ARB2A: variants seen among roughly 807,000 people sequenced by gnomAD.
ARB2A encodes the protein cotranscriptional regulator ARB2A.
chr5:93,620,464 G>C, the ARB2A span: 1 of 149,612 alleles, frequency 6.7e-6, no homozygotes, highest in Admixed American at 6.6e-5. Context: ...AGTGTGTGTG[G>C]AACTTCCTTA....
chr5:93,979,002 A>G, the ARB2A span, among the ~76,000 whole-genome samples: 4 of 152,228 alleles, frequency 2.6e-5, no homozygotes, highest in East Asian at 5.8e-4. Flanking sequence ...AGTAGCTAGA[A>G]GAGAGTACTT....
chr5:93,923,275 C>T, the ARB2A span, among the ~76,000 whole-genome samples: 2 of 152,016 alleles, frequency 1.3e-5, no homozygotes, highest in Admixed American at 6.6e-5. Context: ...CAACTGTTTA[C>T]GTTATCAGTA....
the ARB2A span, among the ~76,000 whole-genome samples, chr5:93,887,559 A>G: frequency 6.8e-6 from 1 of 148,078 alleles, no homozygotes; most frequent in Non-Finnish European, 1.5e-5. Flanking sequence ...TAATTTACAA[A>G]AACAAACAAA....
At chr5:94,008,737 C>T in the ARB2A span, among the ~76,000 whole-genome samples, 1 of 152,132 alleles carries the variant, frequency 6.6e-6, no homozygotes, top group South Asian at 2.1e-4. Flanking sequence ...TATCTGTATG[C>T]TTTTCTTCAC....
chr5:93,986,390 C>A, the ARB2A span, among the ~76,000 whole-genome samples: 1 of 151,118 alleles, frequency 6.6e-6, no homozygotes, highest in Non-Finnish European at 1.5e-5. Context: ...CGGCAGCTGC[C>A]CCCTCTGGGA....
the ARB2A span, among the ~76,000 whole-genome samples, chr5:93,777,584 ATT>A: frequency 4.7e-5 from 7 of 148,366 alleles, no homozygotes; most frequent in Admixed American, 4.0e-4. Flanking sequence ...TTCCAGACAG[ATT>A]TTTTTTTTTT....
the ARB2A span, among the ~76,000 whole-genome samples, chr5:94,029,642 G>C: frequency 2.6e-5 from 4 of 151,614 alleles, no homozygotes; most frequent in Non-Finnish European, 5.9e-5. Context: ...TCCTAACTTT[G>C]TTCACTTAGG....
the ARB2A span, among the ~76,000 whole-genome samples, chr5:93,828,743 T>C: frequency 0.089 from 13,569 of 152,254 alleles, 791 homozygotes; most frequent in Middle Eastern, 0.17. Flanking sequence ...TCCTATTTTC[T>C]CACTGTTCCC....
chr5:93,691,590 T>A, the ARB2A span, among the ~76,000 whole-genome samples: 1 of 149,872 alleles, frequency 6.7e-6, no homozygotes. Context: ...TGGAACCGAG[T>A]TGGAAAACAC....
the ARB2A span, among the ~76,000 whole-genome samples, chr5:93,792,932 A>C: frequency 3.5e-4 from 53 of 152,240 alleles, no homozygotes; most frequent in African/African-American, 1.2e-3. Context: ...ATCTCATTAG[A>C]TAGAACAATT....
the ARB2A span, chr5:93,743,378 G>T: frequency 5.4e-6 from 1 of 185,394 alleles, no homozygotes; most frequent in Non-Finnish European, 1.0e-5. Context: ...TTTATTTAAT[G>T]TTAAATAAGT....
At chr5:93,989,007 G>A in the ARB2A span, among the ~76,000 whole-genome samples, 1 of 152,132 alleles carries the variant, frequency 6.6e-6, no homozygotes, top group South Asian at 2.1e-4. Context: ...GGGAGAGGGA[G>A]AGTGAGATGC....
chr5:93,831,884 G>A, the ARB2A span, among the ~76,000 whole-genome samples: 37 of 152,238 alleles, frequency 2.4e-4, 1 homozygote, highest in African/African-American at 8.7e-4. Context: ...GTACTTAAAT[G>A]TCTTCAGCTT....
chr5:93,684,924 A>G, the ARB2A span, among the ~76,000 whole-genome samples: 1 of 152,194 alleles, frequency 6.6e-6, no homozygotes, highest in African/African-American at 2.4e-5. Context: ...ATTTGTTACA[A>G]TATTGCTGTA....
chr5:93,845,016 T>C, the ARB2A span, among the ~76,000 whole-genome samples: 1 of 152,100 alleles, frequency 6.6e-6, no homozygotes, highest in Non-Finnish European at 1.5e-5. Flanking sequence ...AAACAGAAAA[T>C]ACAGAGCAGA....
At chr5:93,706,539 T>C in the ARB2A span, among the ~76,000 whole-genome samples, 1 of 152,156 alleles carries the variant, frequency 6.6e-6, no homozygotes, top group South Asian at 2.1e-4. Context: ...ATGGCTACAA[T>C]GGTGAATTTC....
At chr5:94,086,807 C>A in the ARB2A span, among the ~76,000 whole-genome samples, 1 of 152,204 alleles carries the variant, frequency 6.6e-6, no homozygotes, top group Non-Finnish European at 1.5e-5. Context: ...CAAGCCTCAG[C>A]CTCCCAAAGT....
chr5:93,891,801 G>C, the ARB2A span, among the ~76,000 whole-genome samples: 1 of 152,076 alleles, frequency 6.6e-6, no homozygotes, highest in Non-Finnish European at 1.5e-5. Context: ...AGAGCATTCG[G>C]GAAATGTTTG....
chr5:94,019,059 G>T, the ARB2A span, among the ~76,000 whole-genome samples: 5 of 152,112 alleles, frequency 3.3e-5, no homozygotes, highest in African/African-American at 1.2e-4. Context: ...CAAGCAATGG[G>T]GAAATGATTC....
Sources: gnomAD v4.1 joint callset for allele counts (sites outside exome capture counted in the v4.1 genomes callset) on GRCh38, gnomAD v4.1.1 for gene constraint, MANE v1.5 for transcripts, NCBI Gene and HGNC (gene_info 2026-07-23, HGNC 2026-07-21) for gene names.